The following CD58 variants were observed in gnomAD, a reference collection of about 807,000 sequenced individuals.
CD58 encodes the protein lymphocyte function-associated antigen 3.
Under a neutral mutation model 27.6 loss-of-function variants are expected in CD58, and 14 were observed. The observed-to-expected ratio is 0.51, with a 90% CI of 0.34 to 0.79. The LOEUF (loss-of-function observed/expected upper bound fraction) is 0.79, where lower values mean the gene tolerates loss of function less well. CD58 is among the 30% of genes least tolerant of loss of function. CD58 has a pLI of 0.02. For missense variants in CD58, 268 were observed against 301.7 expected, an observed-to-expected ratio of 0.89 and a Z score of 0.83; for synonymous variants, 117 against 103.8, an observed-to-expected ratio of 1.13 and a Z score of -0.77.
rs557338660 is a variant in CD58 at position 116,550,155 on chromosome 1, T to A, written c.71-5551A>T. Among the ~76,000 whole-genome samples, 3 of 152,342 alleles carry A rather than the reference T, an allele frequency of 2.0e-5. No homozygotes were observed. The South Asian group carries it at 6.2e-4, about 32-fold the overall frequency. On this transcript the variant is annotated intron_variant, in intron 1 of 5. Coordinates refer to ENST00000369489, the MANE Select transcript of CD58 (RefSeq NM_001779.3). This position sits in a 1 kb window ranked among gnomAD's most constrained non-coding sequence, Gnocchi z 4.2. The stretch of plus-strand genomic sequence containing the variant: ...GGGTGTTGGTTGCTAAAGGCTGCAA[T>A]GGCTGTGGCAATTTCTTAAAAGAAG...
In CD58 at chr1:116,552,554, G is replaced by T. The variant is rs926107990; in HGVS notation, c.71-7950C>A. Among the ~76,000 whole-genome samples, 3 of 152,218 alleles carry T rather than the reference G, an allele frequency of 2.0e-5. No homozygotes were observed. Among genetic ancestry groups the T allele is most frequent in the African/African-American group, 4.8e-5 (2 of 41,450 alleles). On this transcript the variant is annotated intron_variant, in intron 1 of 5. Coordinates refer to ENST00000369489, the MANE Select transcript of CD58 (RefSeq NM_001779.3). This position sits in a 1 kb window ranked among gnomAD's most constrained non-coding sequence, Gnocchi z 4.5. ...AAATGCAATAAAAGGAGGTGTGCCT[G>T]AGGGATTTACCATTCTTTAATAAAA...
chr1:116,533,881 T>C, intron 3 of CD58: 1 of 1,116,088 alleles, frequency 9.0e-7, no homozygotes. Context: ...CTGAATTTGT[T>C]TCAATGCATT....
chr1:116,525,261 A>C (rs886995343), intron 3 of CD58, among the ~76,000 whole-genome samples: 2 of 152,220 alleles, frequency 1.3e-5, no homozygotes, highest in African/African-American at 4.8e-5. Flanking sequence ...TGCCTTTTCC[A>C]GAATGTCACA....
chr1:116,519,121 C>G lies in CD58; in HGVS notation c.743+110G>C. The stretch of plus-strand genomic sequence containing the variant: ...TATCTGCTGATGTTACTTCTTATTA[C>G]TGTACAAGGCAACCAACAGATGAGT... On this transcript the variant is annotated intron_variant, in intron 5 of 5. Coordinates refer to ENST00000369489, the MANE Select transcript of CD58 (RefSeq NM_001779.3). This position sits in a 1 kb window ranked among gnomAD's most constrained non-coding sequence, Gnocchi z 4.7. The G allele has an allele frequency of 1.3e-6, 2 of 1,553,154 alleles. No individual in the cohort carries two copies. The highest frequency in any genetic ancestry group is 1.7e-6 in the Non-Finnish European group (2 of 1,147,154).
In CD58 at chr1:116,557,031, T is replaced by G. The variant is rs1658589389; in HGVS notation, c.71-12427A>C. 6.6e-6 allele frequency among the ~76,000 whole-genome samples: 1 copy of G among 152,272 alleles called. No individual in the cohort carries two copies. Among genetic ancestry groups the G allele is most frequent in the East Asian group, 1.9e-4 (1 of 5,204 alleles). On this transcript the variant is annotated intron_variant, in intron 1 of 5. Transcript: ENST00000369489. This position sits in a 1 kb window ranked among gnomAD's most constrained non-coding sequence, Gnocchi z 5.2. ...AGCTTAGGGGTAACCCCAGCCAGGC[T>G]AGCCCTATCAGGACAAGGACAAAGG...
rs1452352895 is a variant in CD58, at chr1:116,536,454, C to T, written c.365-226G>A. On this transcript the variant is annotated intron_variant, in intron 2 of 5. Transcript: ENST00000369489. This position sits in a 1 kb window ranked among gnomAD's most constrained non-coding sequence, Gnocchi z 5.4. Reference sequence around the variant, plus strand: ...GATATGGTTTGGCTCTGGGTCCTCACCCAAATCTCATCTTGAATTGTAATT... The same window carrying T: ...GATATGGTTTGGCTCTGGGTCCTCATCCAAATCTCATCTTGAATTGTAATT... Among the ~76,000 whole-genome samples the T allele has an allele frequency of 1.3e-5, 2 of 152,068 alleles. No homozygotes were observed. The highest frequency in any genetic ancestry group is 2.4e-5 in the African/African-American group (1 of 41,406).
Position 116,514,653 on chromosome 1 carries a change from T to C in CD58, c.*160A>G, listed in dbSNP as rs1657019650. On this transcript the variant is annotated 3_prime_UTR_variant, in exon 6 of 6. Transcript: ENST00000369489. ...ATAAGTTGATGACAGCCAAAACTAA[T>C]GCTTGTTCTTTGTTAGTGGGTATTT... is the stretch of plus-strand genomic sequence containing the variant. 1 of 560,834 alleles carries C rather than the reference T, an allele frequency of 1.8e-6. No individual in the cohort carries two copies. 34.7% of individuals were successfully genotyped at this position (560,834 alleles called of 1,614,324 possible).
In CD58 at chr1:116,543,236, G is replaced by C. The variant is rs556723784; in HGVS notation, c.364+1075C>G. Among the ~76,000 whole-genome samples, 3 of 152,236 alleles carry C rather than the reference G, an allele frequency of 2.0e-5. No individual in the cohort carries two copies. The South Asian group carries it at 6.2e-4, about 32-fold the overall frequency. On this transcript the variant is annotated intron_variant, in intron 2 of 5. Transcript: ENST00000369489. ...GACAACAGCACTCAGGCTGAGTAGG[G>C]AGGGCAGCAGGGACATCAGGTGTGT... is the stretch of plus-strand genomic sequence containing the variant.
At position 116,563,239 on chromosome 1, in the gene CD58, C is replaced by A. The variant is rs552437103; in HGVS notation, c.70+7664G>T. On this transcript the variant is annotated intron_variant, in intron 1 of 5. Transcript: ENST00000369489. This position sits in a 1 kb window ranked among gnomAD's most constrained non-coding sequence, Gnocchi z 4.1. ...ACATCCAGGTGACGCAAGAGATGGG[C>A]TCCCACAACCTTGGGCAGCTCTTCC... is the stretch of plus-strand genomic sequence containing the variant. Among the ~76,000 whole-genome samples, 10 of 152,316 alleles carry A rather than the reference C, an allele frequency of 6.6e-5. No individual in the cohort carries two copies. In the South Asian group the frequency reaches 2.1e-3, roughly 32 times the overall value.
At chr1:116,520,112 T>C (rs961696652) in intron 4 of CD58, among the ~76,000 whole-genome samples, 2 of 152,222 alleles carry the variant, frequency 1.3e-5, no homozygotes, top group African/African-American at 2.4e-5. Context: ...AAGGTTGAGA[T>C]GCTTGCTGAG....
Position 116,563,311 on chromosome 1 carries a change from G to A in CD58, c.70+7592C>T, listed in dbSNP as rs1305121706. Among the ~76,000 whole-genome samples the A allele has an allele frequency of 6.6e-6, 1 of 151,884 alleles. No homozygotes were observed. Among genetic ancestry groups the A allele is most frequent in the Non-Finnish European group, 1.5e-5 (1 of 68,002 alleles). Reference sequence around the variant, plus strand: ...GCCATCCTCCTGGCTGCTTTCATGAGCTGGCATTAAGTGTCTGTGGCTTTT... The same window carrying A: ...GCCATCCTCCTGGCTGCTTTCATGAACTGGCATTAAGTGTCTGTGGCTTTT... On this transcript the variant is annotated intron_variant, in intron 1 of 5. Transcript: ENST00000369489. This position sits in a 1 kb window ranked among gnomAD's most constrained non-coding sequence, Gnocchi z 4.1.
At chr1:116,564,298 C>A (rs1413092930) in intron 1 of CD58, among the ~76,000 whole-genome samples, 1 of 151,968 alleles carries the variant, frequency 6.6e-6, no homozygotes, top group Non-Finnish European at 1.5e-5. Context: ...TTCAACAAGT[C>A]TCTAGGAAGT....
intron 1 of CD58, among the ~76,000 whole-genome samples, chr1:116,565,354 A>G (rs1040693986): frequency 6.6e-6 from 1 of 152,202 alleles, no homozygotes; most frequent in African/African-American, 2.4e-5. Context: ...CTTGAAGCCT[A>G]TCTCAGGGTC....
intron 2 of CD58, among the ~76,000 whole-genome samples, chr1:116,543,464 GT>G: frequency 6.6e-6 from 1 of 151,890 alleles, no homozygotes; most frequent in East Asian, 1.9e-4. Context: ...CACCAGGAAT[GT>G]CAGAAACAAT....
chr1:116,569,794 C>A (rs969913968), intron 1 of CD58, among the ~76,000 whole-genome samples: 6 of 151,918 alleles, frequency 3.9e-5, no homozygotes, highest in African/African-American at 9.7e-5. Context: ...TAGAGCCGAT[C>A]TTTCACCGTG....
At position 116,544,609 on chromosome 1, in the gene CD58, G is replaced by A. The variant is rs1212846207; in HGVS notation, c.71-5C>T. ...GGGAAAAACAGCTGATGAAACCTAGGAGAGAAAAAAAAATTGGTTAGAAAA... is the reference window on the plus strand; with the variant it reads ...GGGAAAAACAGCTGATGAAACCTAGAAGAGAAAAAAAAATTGGTTAGAAAA... On this transcript the variant is annotated splice_polypyrimidine_tract_variant and splice_region_variant and intron_variant, in intron 1 of 5. Transcript: ENST00000369489. The A allele has an allele frequency of 1.3e-6, 2 of 1,550,154 alleles. No individual in the cohort carries two copies. Among genetic ancestry groups the A allele is most frequent in the Admixed American group, 2.2e-5 (1 of 45,976 alleles).
At chr1:116,520,417 AAT>A (rs1657229400) in intron 4 of CD58, among the ~76,000 whole-genome samples, 1 of 151,252 alleles carries the variant, frequency 6.6e-6, no homozygotes, top group Non-Finnish European at 1.5e-5. Flanking sequence ...CTGGCCTCCA[AAT>A]TGTTTTTTTT....
At chr1:116,518,969 G>T in intron 5 of CD58, 1 of 1,005,632 alleles carries the variant, frequency 9.9e-7, no homozygotes, top group Non-Finnish European at 1.4e-6. Context: ...CATATGCGCT[G>T]TCTCTAAGCA....
rs1657035157 is a variant in CD58, at chr1:116,515,156, C to CCATTTGTGAT, written c.744-335_744-334insATCACAAATG. On this transcript the variant is annotated intron_variant, in intron 5 of 5. Transcript: ENST00000369489. This position sits in a 1 kb window ranked among gnomAD's most constrained non-coding sequence, Gnocchi z 4.6. The stretch of plus-strand genomic sequence containing the variant: ...GTAAACTGTCACCCATTTGTAACAG[C>CCATTTGTGAT]TACTTCCTTCTTTGCTACATGAAAC... 1.3e-5 allele frequency among the ~76,000 whole-genome samples: 2 copies of CCATTTGTGAT among 152,226 alleles called. No individual in the cohort carries two copies. Among genetic ancestry groups the CCATTTGTGAT allele is most frequent in the Non-Finnish European group, 2.9e-5 (2 of 68,038 alleles).
Sources: allele counts gnomAD v4.1 joint callset (sites outside exome capture counted in the v4.1 genomes callset), GRCh38; gene constraint gnomAD v4.1.1; non-coding constraint Gnocchi (gnomAD v3.1); transcripts MANE v1.5; gene names NCBI Gene and HGNC (gene_info 2026-07-23, HGNC 2026-07-21).